SPATA17: variants seen among roughly 807,000 people sequenced by gnomAD.
SPATA17 encodes spermatogenesis associated 17, also known as spermatogenesis-associated protein 17.
In SPATA17, 53 loss-of-function variants were observed where a neutral mutation model predicts 62.2. The ratio of observed to expected loss-of-function variants is 0.85; its 90% CI spans 0.68 to 1.07. The LOEUF is 1.07. SPATA17 is among the 50% of genes least tolerant of loss of function. SPATA17 has a pLI of 0.00. For missense variants in SPATA17, 466 were observed against 425.5 expected (o/e 1.10, Z -0.84); for synonymous variants, 146 against 146.8 (o/e 0.99, Z 0.04).
intron 8 of SPATA17, among the ~76,000 whole-genome samples, chr1:217,800,853 G>T (rs1044035966): frequency 6.6e-6 from 1 of 152,000 alleles, no homozygotes; most frequent in African/African-American, 2.4e-5. Flanking sequence ...TTTTTAAAAA[G>T]ATTTATTTAC....
chr1:217,862,871 TA>T lies in SPATA17; in HGVS notation c.*2+17del. 6.6e-7 allele frequency: 1 copy of T among 1,524,420 alleles called. No individual in the cohort carries two copies. Among genetic ancestry groups the T allele is most frequent in the Non-Finnish European group, 9.0e-7 (1 of 1,115,420 alleles). The allele number at this position is 1,524,420 out of a possible 1,614,324, so 94.4% of individuals were successfully genotyped here. ...ATTGTATAAAGGTATGACTTTTTGC[TA>T]AGAAGTAATTCAAAAAGTATATTAA... On this transcript the variant is annotated intron_variant, in intron 10 of 10. Transcript: ENST00000366933.
intron 5 of SPATA17, among the ~76,000 whole-genome samples, chr1:217,738,349 G>C (rs59954599): frequency 0.026 from 3,964 of 152,298 alleles, 144 homozygotes; most frequent in African/African-American, 0.09. Flanking sequence ...CATCCAGAGA[G>C]AGAAAGGAGG....
intron 10 of SPATA17, 156 bp from the exon 11 acceptor site, chr1:217,866,865 GT>G (rs1183839196): frequency 3.9e-5 from 5 of 128,554 alleles, no homozygotes; most frequent in Non-Finnish European, 8.4e-5. Flanking sequence ...TCATTTTACT[GT>G]TTTGTTTTTA....
intron 9 of SPATA17, among the ~76,000 whole-genome samples, chr1:217,810,756 A>C (rs1469837627): frequency 6.6e-6 from 1 of 152,100 alleles, no homozygotes; most frequent in African/African-American, 2.4e-5. Flanking sequence ...GTAGAAGGGG[A>C]AGGGGAAGCA....
At chr1:217,736,545 A>G (rs1399731651) in intron 5 of SPATA17, among the ~76,000 whole-genome samples, 2 of 137,454 alleles carry the variant, frequency 1.5e-5, no homozygotes, top group African/African-American at 5.1e-5. Context: ...ATCAGAAAGT[A>G]AATACAATTT....
In SPATA17 at chr1:217,683,194, G is replaced by A. The variant is rs956677987; in HGVS notation, c.292-64G>A. The stretch of plus-strand genomic sequence containing the variant: ...CAGCCATAATTACCTTAATTTTGAA[G>A]TGCTATTACATTTTTAATAAAAGTG... On this transcript the variant is annotated intron_variant, in intron 4 of 10. Transcript: ENST00000366933. The A allele has an allele frequency of 1.8e-5, 20 of 1,114,646 alleles. No homozygotes were observed. In the African/African-American group the frequency reaches 3.1e-4, roughly 17 times the overall value. 69.0% of individuals were successfully genotyped at this position (1,114,646 alleles called of 1,614,324 possible). A position where few individuals can be genotyped will look rare whatever the true frequency, so the allele number is the denominator to read the frequency against.
chr1:217,645,884 A>G (rs1172638752), intron 1 of SPATA17, among the ~76,000 whole-genome samples: 1 of 152,170 alleles, frequency 6.6e-6, no homozygotes, highest in Non-Finnish European at 1.5e-5. Flanking sequence ...AGTATTTAAC[A>G]TTGCTTAATC....
At chr1:217,723,647 A>G (rs147145721) in intron 5 of SPATA17, among the ~76,000 whole-genome samples, 96 of 152,340 alleles carry the variant, frequency 6.3e-4, no homozygotes, top group African/African-American at 2.2e-3. Context: ...TTGATTTAGA[A>G]CTAAATGGGT....
intron 5 of SPATA17, among the ~76,000 whole-genome samples, chr1:217,731,304 A>G (rs1314812774): frequency 6.6e-6 from 1 of 151,986 alleles, no homozygotes; most frequent in African/African-American, 2.4e-5. Context: ...CGAGACCTCT[A>G]TCTTGATTGT....
At chr1:217,705,542 G>A (rs1299403155) in intron 5 of SPATA17, among the ~76,000 whole-genome samples, 1 of 131,714 alleles carries the variant, frequency 7.6e-6, no homozygotes, top group East Asian at 2.6e-4. Flanking sequence ...CCAGGTTCAA[G>A]CAATTCTCCT....
At chr1:217,816,474 C>A (rs1322208405) in intron 9 of SPATA17, among the ~76,000 whole-genome samples, 3 of 151,566 alleles carry the variant, frequency 2.0e-5, no homozygotes, top group African/African-American at 7.2e-5. Context: ...TATATTCAAC[C>A]TTCTATCTTT....
rs75201442 is a variant in SPATA17, at chr1:217,661,259, A to T, written c.241-7774A>T. Among the ~76,000 whole-genome samples the T allele has an allele frequency of 8.8e-4, 122 of 138,498 alleles. 2 individuals are homozygous for T. In the East Asian group the frequency reaches 0.023, roughly 26 times the overall value. The allele number at this position is 138,498 out of a possible 152,430, so 90.9% of individuals were successfully genotyped here. A position where few individuals can be genotyped will look rare whatever the true frequency, so the allele number is the denominator to read the frequency against. ...AAGGGAATTAAAAATAAGAATAAAC[A>T]GGAAAACAGTGATGTTATATCACAG... is the stretch of plus-strand genomic sequence containing the variant. On this transcript the variant is annotated intron_variant, in intron 3 of 10. Transcript: ENST00000366933.
chr1:217,840,753 G>T (rs969262779), intron 9 of SPATA17, among the ~76,000 whole-genome samples: 1 of 151,992 alleles, frequency 6.6e-6, no homozygotes, highest in Non-Finnish European at 1.5e-5. Flanking sequence ...CAGCTATTTG[G>T]AGGGCTTAGG....
intron 5 of SPATA17, among the ~76,000 whole-genome samples, chr1:217,718,554 G>C (rs1368508409): frequency 6.6e-6 from 1 of 152,160 alleles, no homozygotes; most frequent in East Asian, 1.9e-4. Flanking sequence ...GGAAACATTT[G>C]AAAAGCCTCT....
intron 5 of SPATA17, among the ~76,000 whole-genome samples, chr1:217,694,937 A>G (rs1026888642): frequency 7.2e-6 from 1 of 138,650 alleles, no homozygotes; most frequent in Non-Finnish European, 1.6e-5. Flanking sequence ...TTTTTCCTTC[A>G]TTTCAACTTT....
At chr1:217,672,400 C>T (rs2102898930) in intron 4 of SPATA17, among the ~76,000 whole-genome samples, 2 of 152,210 alleles carry the variant, frequency 1.3e-5, no homozygotes, top group South Asian at 4.2e-4. Context: ...TATATGTACC[C>T]AAATTATGAA....
chr1:217,803,106 G>T (rs984429000), intron 9 of SPATA17, among the ~76,000 whole-genome samples: 2 of 152,084 alleles, frequency 1.3e-5, no homozygotes, highest in Non-Finnish European at 2.9e-5. Flanking sequence ...TAGAGACAGG[G>T]TTTCACCCTG....
chr1:217,717,650 T>G lies in SPATA17; in HGVS notation c.396-24325T>G, dbSNP rs1672037648. Among the ~76,000 whole-genome samples the G allele has an allele frequency of 2.0e-5, 3 of 152,198 alleles. No homozygotes were observed. The South Asian group carries it at 6.2e-4, about 32-fold the overall frequency. ...GTAATTATGTAAATCCTATGTAATT[T>G]TTTTTTTTACAAATCCCATCTTCTC... On this transcript the variant is annotated intron_variant, in intron 5 of 10. Transcript: ENST00000366933.
rs546786857 is a variant in SPATA17 at position 217,785,670 on chromosome 1, T to C, written c.872+3348T>C. ...CCCTATTTCAAAATAAGGTAACATGTTGAGGTACTGGGTGTTAGGAATTCA... is the reference window on the plus strand; with the variant it reads ...CCCTATTTCAAAATAAGGTAACATGCTGAGGTACTGGGTGTTAGGAATTCA... On this transcript the variant is annotated intron_variant, in intron 8 of 10. Coordinates refer to ENST00000366933, the MANE Select transcript of SPATA17 (RefSeq NM_138796.4). 8.5e-5 allele frequency among the ~76,000 whole-genome samples: 13 copies of C among 152,186 alleles called. No individual in the cohort carries two copies. The East Asian group carries it at 2.5e-3, about 29-fold the overall frequency.
Sources: gnomAD v4.1 joint callset for allele counts (sites outside exome capture counted in the v4.1 genomes callset) on GRCh38, gnomAD v4.1.1 for gene constraint, MANE v1.5 for transcripts, NCBI Gene and HGNC (gene_info 2026-07-23, HGNC 2026-07-21) for gene names.